THSD7A: variants seen among roughly 807,000 people sequenced by gnomAD.
THSD7A encodes thrombospondin type 1 domain containing 7A.
In THSD7A, 96 loss-of-function variants were observed where a neutral mutation model predicts 231.3. The observed-to-expected ratio is 0.41, with a 90% confidence interval of 0.35 to 0.49. The LOEUF (loss-of-function observed/expected upper bound fraction) is 0.49, where lower values mean the gene tolerates loss of function less well. Among genes scored for constraint, THSD7A ranks in the 20% least tolerant of loss-of-function variants. The pLI is 0.05. For missense variants in THSD7A, 2,290 were observed against 2,070.2 expected, an observed-to-expected ratio of 1.11 and a Z score of -2.06; for synonymous variants, 940 against 743.3, an observed-to-expected ratio of 1.26 and a Z score of -4.30.
chr7:11,648,976 A>G (rs1782390807), intron 1 of THSD7A, among the ~76,000 whole-genome samples: 1 of 152,024 alleles, frequency 6.6e-6, no homozygotes, highest in Admixed American at 6.6e-5. Context: ...GATGATTCCA[A>G]TGGTCCCTGC....
At chr7:11,496,858 T>C (rs1305712107) in intron 6 of THSD7A, among the ~76,000 whole-genome samples, 2 of 152,118 alleles carry the variant, frequency 1.3e-5, no homozygotes, top group African/African-American at 2.4e-5. Context: ...CAACAATCAT[T>C]GAATCTAGGT....
intron 4 of THSD7A, among the ~76,000 whole-genome samples, chr7:11,579,819 G>A (rs904898119): frequency 2.0e-5 from 3 of 152,054 alleles, no homozygotes; most frequent in Admixed American, 6.6e-5. Context: ...CTTCCCAGTC[G>A]TACCTCTAGA....
intron 1 of THSD7A, among the ~76,000 whole-genome samples, chr7:11,812,754 T>C (rs555887243): frequency 6.6e-6 from 1 of 152,324 alleles, no homozygotes; most frequent in South Asian, 2.1e-4. Context: ...AATCAAAATA[T>C]TGAAGCATAC....
At chr7:11,746,547 A>T (rs986905145) in intron 1 of THSD7A, among the ~76,000 whole-genome samples, 3 of 151,834 alleles carry the variant, frequency 2.0e-5, no homozygotes, top group African/African-American at 7.2e-5. Context: ...TATTTCATAG[A>T]GTTTTCCTCA....
intron 23 of THSD7A, among the ~76,000 whole-genome samples, chr7:11,401,572 C>T (rs1056222376): frequency 6.6e-6 from 1 of 152,020 alleles, no homozygotes; most frequent in Non-Finnish European, 1.5e-5. Context: ...AGCCTGACAC[C>T]ATGCATAATT....
At chr7:11,558,301 A>G (rs1464831124) in intron 4 of THSD7A, among the ~76,000 whole-genome samples, 2 of 152,188 alleles carry the variant, frequency 1.3e-5, no homozygotes, top group African/African-American at 4.8e-5. Flanking sequence ...GAAAAAGTAC[A>G]TCTCCTTTAT....
chr7:11,740,885 C>A (rs1782090218), intron 1 of THSD7A, among the ~76,000 whole-genome samples: 1 of 151,936 alleles, frequency 6.6e-6, no homozygotes, highest in African/African-American at 2.4e-5. Context: ...ACATAGTAAG[C>A]ACTACATAAA....
intron 1 of THSD7A, among the ~76,000 whole-genome samples, chr7:11,788,748 G>C (rs1357095281): frequency 6.6e-6 from 1 of 151,844 alleles, no homozygotes; most frequent in Non-Finnish European, 1.5e-5. Flanking sequence ...TTTTAAATCT[G>C]TGACTCGATT....
Position 11,634,804 on chromosome 7 carries a change from C to G in THSD7A, c.1022+1326G>C, listed in dbSNP as rs1233927419. 6.6e-6 allele frequency among the ~76,000 whole-genome samples: 1 copy of G among 152,052 alleles called. No individual in the cohort carries two copies. The highest frequency in any genetic ancestry group is 1.5e-5 in the Non-Finnish European group (1 of 67,990). ...AAATTCCAAAAAACAGTAACCAGAA[C>G]TCTATGATGAGAGAAAGTTATTGTC... On this transcript the variant is annotated intron_variant, in intron 2 of 27. Coordinates refer to ENST00000423059, the MANE Select transcript of THSD7A (RefSeq NM_015204.3). This position sits in a 1 kb window ranked among gnomAD's most constrained non-coding sequence, Gnocchi z 4.1.
At chr7:11,513,221 G>A (rs1415963046) in intron 6 of THSD7A, among the ~76,000 whole-genome samples, 3 of 151,798 alleles carry the variant, frequency 2.0e-5, no homozygotes, top group East Asian at 3.9e-4. Flanking sequence ...TACTGCTCGG[G>A]TGATGGTTGC....
At chr7:11,722,756 G>A (rs1417897107) in intron 1 of THSD7A, among the ~76,000 whole-genome samples, 5 of 151,990 alleles carry the variant, frequency 3.3e-5, no homozygotes, top group East Asian at 1.9e-4. Flanking sequence ...TCAGAGAAAT[G>A]CAAATCAAAA....
intron 1 of THSD7A, among the ~76,000 whole-genome samples, chr7:11,664,911 G>A (rs36039219): frequency 0.36 from 53,897 of 151,714 alleles, 10,351 homozygotes; most frequent in African/African-American, 0.5. Flanking sequence ...AGATGGTGTC[G>A]CTTTCTAATA....
intron 1 of THSD7A, among the ~76,000 whole-genome samples, chr7:11,743,559 C>T (rs1444710198): frequency 6.6e-6 from 1 of 151,786 alleles, no homozygotes; most frequent in East Asian, 1.9e-4. Context: ...TTTAATATAT[C>T]CTTCTTAGTA....
chr7:11,534,769 A>G (rs1157030053), intron 6 of THSD7A, among the ~76,000 whole-genome samples: 1 of 152,210 alleles, frequency 6.6e-6, no homozygotes, highest in East Asian at 1.9e-4. Flanking sequence ...GAGGCTCACT[A>G]ATGTGAGGAA....
In THSD7A at chr7:11,375,533, G is replaced by C. The variant is rs899637819; in HGVS notation, c.*261C>G. On this transcript the variant is annotated 3_prime_UTR_variant, in exon 28 of 28. Transcript: ENST00000423059. Reference sequence around the variant, plus strand: ...GTGGTTTTTCAGTCGGTAGATTTCAGAAAAGATGACATAAAACTTTCAGAA... The same window carrying C: ...GTGGTTTTTCAGTCGGTAGATTTCACAAAAGATGACATAAAACTTTCAGAA... 4.3e-5 allele frequency: 13 copies of C among 304,340 alleles called. No homozygotes were observed. The highest frequency in any genetic ancestry group is 2.4e-4 in the African/African-American group (11 of 46,326). The allele number at this position is 304,340 out of a possible 1,614,324, so 18.9% of individuals were successfully genotyped here.
At chr7:11,462,709 A>T (rs10265365) in intron 9 of THSD7A, among the ~76,000 whole-genome samples, 4,054 of 152,258 alleles carry the variant, frequency 0.027, 177 homozygotes, top group African/African-American at 0.089. Context: ...AACATTAGGG[A>T]TCTAAGTAGT....
chr7:11,417,356 T>A, intron 17 of THSD7A, 94 bp downstream of exon 17: 2 of 1,222,714 alleles, frequency 1.6e-6, no homozygotes, highest in South Asian at 1.7e-5. Context: ...AGATTTTACA[T>A]TGAAGTTATT....
intron 4 of THSD7A, among the ~76,000 whole-genome samples, chr7:11,568,481 C>T (rs1220929737): frequency 6.6e-6 from 1 of 151,650 alleles, no homozygotes; most frequent in African/African-American, 2.4e-5. Context: ...AAAAATTGGC[C>T]AGGTGTGGTG....
chr7:11,523,932 C>T (rs1167687133), intron 6 of THSD7A, among the ~76,000 whole-genome samples: 1 of 151,996 alleles, frequency 6.6e-6, no homozygotes, highest in African/African-American at 2.4e-5. Context: ...GAATAAATTA[C>T]TAGACATGGT....
Sources: allele counts gnomAD v4.1 joint callset (sites outside exome capture counted in the v4.1 genomes callset), GRCh38; gene constraint gnomAD v4.1.1; non-coding constraint Gnocchi (gnomAD v3.1); transcripts MANE v1.5; gene names NCBI Gene and HGNC (gene_info 2026-07-23, HGNC 2026-07-21).